ADCY7: variants seen among roughly 807,000 people sequenced by gnomAD.
The protein encoded by ADCY7 is adenylate cyclase type 7.
Under a neutral mutation model 120.6 loss-of-function variants are expected in ADCY7, and 72 were observed. That is an observed-to-expected ratio of 0.60 (90% CI 0.49 to 0.73). ADCY7 has a LOEUF of 0.73. Ranked by LOEUF, ADCY7 falls within the 30% of genes least tolerant of loss-of-function variation. The pLI, the probability that ADCY7 is intolerant of heterozygous loss-of-function variation, is 0.00. For synonymous variants in ADCY7, 661 were observed against 628.0 expected (o/e 1.05, Z -0.78); for missense variants, 1,227 against 1,486.0 (o/e 0.83, Z 2.87).
At chr16:50,247,634 C>A (rs1224720199) in intron 1 of ADCY7, among the ~76,000 whole-genome samples, 1 of 150,716 alleles carries the variant, frequency 6.6e-6, no homozygotes, top group Non-Finnish European at 1.5e-5. Flanking sequence ...CCTGCGTCAG[C>A]CTCCCAAAGT....
intron 21 of ADCY7, among the ~76,000 whole-genome samples, chr16:50,312,514 TTC>T (rs1384882116): frequency 6.6e-6 from 1 of 152,182 alleles, no homozygotes; most frequent in East Asian, 1.9e-4. Flanking sequence ...GATCTGGACA[TTC>T]TGTGTTGATG....
At chr16:50,310,477 T>A in intron 18 of ADCY7, 1 of 1,536,428 alleles carries the variant, frequency 6.5e-7, no homozygotes, top group Non-Finnish European at 8.7e-7. Context: ...TTTTTTCCCG[T>A]TTAAATGAGC....
chr16:50,246,970 C>T (rs1413424847), intron 1 of ADCY7, among the ~76,000 whole-genome samples: 2 of 152,186 alleles, frequency 1.3e-5, no homozygotes, highest in Non-Finnish European at 2.9e-5. Flanking sequence ...AGAAGTAGAG[C>T]CCTTAAAATG....
intron 17 of ADCY7, chr16:50,309,220 C>T (rs567648149): frequency 6.0e-5 from 22 of 367,664 alleles, no homozygotes; most frequent in Middle Eastern, 1.5e-3. Flanking sequence ...CACCTCTCTG[C>T]CCCGGACCCT....
Position 50,300,804 on chromosome 16 carries a change from A to G in ADCY7, c.1166A>G (p.Lys389Arg), listed in dbSNP as rs766768367. 7.1e-6 allele frequency: 11 copies of G among 1,555,852 alleles called. No homozygotes were observed. The highest frequency in any genetic ancestry group is 2.4e-5 in the East Asian group (1 of 41,188). The change falls in exon 9 of 26, where the codon AAG becomes AGG. Residue 389 changes from lysine (K) to arginine (R), a missense_variant. Lys to Arg is a conservative substitution (Grantham distance 26, BLOSUM62 2). Coordinates refer to ENST00000673801, the MANE Select transcript of ADCY7 (RefSeq NM_001114.5). ...NVLCGVIGLR[K>R]WQYDVWSHDV... The stretch of plus-strand genomic sequence containing the variant: ...CTGTGCGGGGTCATCGGGCTGCGCA[A>G]GTGGCAGTATGACGTGTGGTCCCAC...
chr16:50,307,355 C>T (rs1272016191), intron 15 of ADCY7, among the ~76,000 whole-genome samples: 1 of 151,644 alleles, frequency 6.6e-6, no homozygotes, highest in Admixed American at 6.6e-5. Flanking sequence ...GGCCTCCCTA[C>T]TCCCTAACGT....
intron 25 of ADCY7, 62 bp downstream of exon 25, chr16:50,315,200 A>G (rs1464522278): frequency 6.3e-7 from 1 of 1,596,580 alleles, no homozygotes. Context: ...AGGTGAGGGG[A>G]CTTGGACTTA....
intron 14 of ADCY7, 92 bp downstream of exon 14, chr16:50,305,941 C>A: frequency 1.5e-6 from 2 of 1,321,062 alleles, no homozygotes; most frequent in South Asian, 2.4e-5. Flanking sequence ...AGCCTGCGTT[C>A]CCAAGACCGG....
chr16:50,270,372 T>G (rs2033483553), intron 1 of ADCY7, among the ~76,000 whole-genome samples: 1 of 152,224 alleles, frequency 6.6e-6, no homozygotes, highest in African/African-American at 2.4e-5. Flanking sequence ...AGAACTGGAC[T>G]GTGCTCTGGT....
chr16:50,304,235 C>T (rs2035914174), intron 10 of ADCY7, 125 bp from the exon 11 acceptor site: 2 of 994,318 alleles, frequency 2.0e-6, no homozygotes, highest in Non-Finnish European at 2.7e-6. Flanking sequence ...AACTTCTTTG[C>T]TGTTTATTTT....
At position 50,314,322 on chromosome 16, in the gene ADCY7, G is replaced by A. The variant is rs774065996; in HGVS notation, c.2887G>A (p.Val963Ile). 1 of 1,614,164 alleles carries A rather than the reference G, an allele frequency of 6.2e-7. No homozygotes were observed. Among genetic ancestry groups the A allele is most frequent in the South Asian group, 1.1e-5 (1 of 91,084 alleles). The change falls in exon 24 of 26, where the codon GTC (valine) becomes ATC (isoleucine). Residue 963 changes from valine (V) to isoleucine (I), a missense_variant. By Grantham distance (29) the Val-to-Ile change is conservative. Coordinates refer to ENST00000673801, the MANE Select transcript of ADCY7 (RefSeq NM_001114.5). The stretch of plus-strand genomic sequence containing the variant: ...GGAGCGGCAGCATGCCCACATTGGT[G>A]TCATGGTGGAGTTCAGCATCGCCCT... ...ELERQHAHIG[V>I]MVEFSIALMS...
intron 7 of ADCY7, among the ~76,000 whole-genome samples, 196 bp from the exon 8 acceptor site, chr16:50,298,708 G>A (rs1450598254): frequency 6.6e-6 from 1 of 152,182 alleles, no homozygotes. Flanking sequence ...CTTGCCTGGG[G>A]GTTCCTCCTG....
In ADCY7 at chr16:50,316,139, G is replaced by C. The variant is rs1567588491; in HGVS notation, c.*634G>C. 1 of 152,594 alleles carries C rather than the reference G, an allele frequency of 6.6e-6. No individual in the cohort carries two copies. Among genetic ancestry groups the C allele is most frequent in the East Asian group, 1.9e-4 (1 of 5,340 alleles). The allele number at this position is 152,594 out of a possible 1,614,324, so 9.5% of individuals were successfully genotyped here. ...ACATTAATGGGGTTTTTATCCTTTT[G>C]AATGACTTTTCAGACACTAGACATA... On this transcript the variant is annotated 3_prime_UTR_variant, in exon 26 of 26. Transcript: ENST00000673801.
upstream of ADCY7, among the ~76,000 whole-genome samples, chr16:50,265,080 G>A (rs917402137): frequency 7.9e-5 from 12 of 151,984 alleles, no homozygotes; most frequent in African/African-American, 2.2e-4. Context: ...CAGGTGATCC[G>A]CCCACCTTAG....
chr16:50,273,204 A>G (rs994790658), intron 1 of ADCY7, among the ~76,000 whole-genome samples: 6 of 152,054 alleles, frequency 3.9e-5, no homozygotes, highest in African/African-American at 1.4e-4. Context: ...GAGAACTGGT[A>G]TTGTTACCAG....
At chr16:50,299,072 G>T in intron 8 of ADCY7, 41 bp downstream of exon 8, 1 of 1,567,990 alleles carries the variant, frequency 6.4e-7, no homozygotes, top group Non-Finnish European at 8.6e-7. Flanking sequence ...CCTGCCCTGT[G>T]GCGGACCCTC....
rs147260337 is a variant in ADCY7, at chr16:50,266,666, G to A, written c.-283G>A. 1.3e-3 allele frequency: 201 copies of A among 153,366 alleles called. No homozygotes were observed. Among genetic ancestry groups the A allele is most frequent in the Non-Finnish European group, 2.2e-3 (151 of 68,572 alleles). The allele number at this position is 153,366 out of a possible 1,614,324, so 9.5% of individuals were successfully genotyped here. A position where few individuals can be genotyped will look rare whatever the true frequency, so the allele number is the denominator to read the frequency against. ...CAGACCCTGGCCGGCTGCTGGGGCC[G>A]GGGAGGAGAGCCAGGTAAAAGTGGG... On this transcript the variant is annotated 5_prime_UTR_variant, in exon 1 of 26. Transcript: ENST00000673801.
At chr16:50,290,966 T>G (rs75235194) in intron 3 of ADCY7, among the ~76,000 whole-genome samples, 2 of 152,312 alleles carry the variant, frequency 1.3e-5, no homozygotes, top group Non-Finnish European at 2.9e-5. Context: ...GGGTCAGTGC[T>G]GGGCTCCAGT....
chr16:50,275,493 C>T (rs1242271125), intron 1 of ADCY7, among the ~76,000 whole-genome samples: 1 of 152,152 alleles, frequency 6.6e-6, no homozygotes, highest in Non-Finnish European at 1.5e-5. Flanking sequence ...GGATTCAGTG[C>T]AAAAAGAGTC....
Sources: gnomAD v4.1 joint callset for allele counts (sites outside exome capture counted in the v4.1 genomes callset) on GRCh38, gnomAD v4.1.1 for gene constraint, MANE v1.5 for transcripts, NCBI Gene and HGNC (gene_info 2026-07-23, HGNC 2026-07-21) for gene names.